Variants in GABBR2 observed in about 807,000 individuals in gnomAD.
GABBR2 encodes the protein G-protein coupled receptor 51.
In GABBR2, 23 loss-of-function variants were observed where a neutral mutation model predicts 105.6. The ratio of observed to expected loss-of-function variants is 0.22; its 90% CI spans 0.16 to 0.31. The LOEUF is 0.31. GABBR2 is among the 10% of genes least tolerant of loss of function. GABBR2 has a pLI of 1.00. For missense variants in GABBR2, 734 were observed against 1,245.5 expected, an observed-to-expected ratio of 0.59 and a Z score of 6.18; for synonymous variants, 478 against 499.7, an observed-to-expected ratio of 0.96 and a Z score of 0.58.
chr9:98,293,982 G>A, intron 17 of GABBR2, 80 bp from the exon 18 acceptor site: 1 of 840,718 alleles, frequency 1.2e-6, no homozygotes, highest in Non-Finnish European at 2.1e-6. Flanking sequence ...TTTGTAGGAT[G>A]ATGCCCCAAG....
rs561519880 is a variant in GABBR2, at chr9:98,704,185, T to A, written c.321+4232A>T. Among the ~76,000 whole-genome samples the A allele has an allele frequency of 3.3e-3, 508 of 152,304 alleles. 2 individuals are homozygous for A. The highest frequency in any genetic ancestry group is 0.012 in the African/African-American group (483 of 41,566). On this transcript the variant is annotated intron_variant, in intron 1 of 18. Coordinates refer to ENST00000259455, the MANE Select transcript of GABBR2 (RefSeq NM_005458.8). ...CTGCTGAGCTGTACTCAGACCTTTT[T>A]AGGAAGCACAGCCTCAATTCAACAG...
intron 13 of GABBR2, among the ~76,000 whole-genome samples, chr9:98,341,871 C>T (rs1162651072): frequency 1.3e-5 from 2 of 152,142 alleles, no homozygotes; most frequent in African/African-American, 4.8e-5. Context: ...GACATTTCTT[C>T]GAGAAGCCGG....
chr9:98,685,696 C>T lies in GABBR2; in HGVS notation c.321+22721G>A, dbSNP rs148199691. On this transcript the variant is annotated intron_variant, in intron 1 of 18. Coordinates refer to ENST00000259455, the MANE Select transcript of GABBR2 (RefSeq NM_005458.8). ...GATTAAACTATAGTTTTTGATTTTA[C>T]TTATTTTATTTTTAAAGACAGGATC... 6.5e-3 allele frequency among the ~76,000 whole-genome samples: 993 copies of T among 152,226 alleles called. 3 individuals are homozygous for T. Among genetic ancestry groups the T allele is most frequent in the Non-Finnish European group, 9.4e-3 (640 of 68,008 alleles).
At chr9:98,664,132 G>A (rs1016081485) in intron 1 of GABBR2, among the ~76,000 whole-genome samples, 1 of 152,178 alleles carries the variant, frequency 6.6e-6, no homozygotes, top group Non-Finnish European at 1.5e-5. Context: ...CTTGTCTATA[G>A]AGTAAGAGCC....
At chr9:98,620,302 C>T (rs1004008454) in intron 1 of GABBR2, among the ~76,000 whole-genome samples, 2 of 150,854 alleles carry the variant, frequency 1.3e-5, no homozygotes, top group Non-Finnish European at 2.9e-5. Context: ...TTGTGTGTAG[C>T]TTGCAAAGAT....
chr9:98,377,442 G>A (rs1831895792), intron 11 of GABBR2, among the ~76,000 whole-genome samples: 1 of 152,184 alleles, frequency 6.6e-6, no homozygotes. Flanking sequence ...CTTATTTTAA[G>A]TCTTCCCTGA....
chr9:98,565,403 C>T (rs547070423), intron 2 of GABBR2, among the ~76,000 whole-genome samples: 11 of 152,242 alleles, frequency 7.2e-5, no homozygotes, highest in East Asian at 5.8e-4. Flanking sequence ...CCAAGAGGGA[C>T]GATGCCAGGC....
chr9:98,627,201 A>G (rs997878308), intron 1 of GABBR2, among the ~76,000 whole-genome samples: 7 of 151,784 alleles, frequency 4.6e-5, no homozygotes, highest in African/African-American at 1.7e-4. Flanking sequence ...CTCACAGCCC[A>G]CCCGGACTCT....
chr9:98,517,017 G>A (rs1827769590), intron 3 of GABBR2, among the ~76,000 whole-genome samples: 1 of 152,176 alleles, frequency 6.6e-6, no homozygotes, highest in Admixed American at 6.5e-5. Flanking sequence ...AGTCTGAGTG[G>A]CCCTTTAGCT....
At chr9:98,357,944 C>T (rs139706031) in intron 13 of GABBR2, among the ~76,000 whole-genome samples, 71 of 152,262 alleles carry the variant, frequency 4.7e-4, no homozygotes, top group African/African-American at 1.7e-3. Context: ...GAACTTGAAG[C>T]GTGTGAAAGC....
intron 1 of GABBR2, among the ~76,000 whole-genome samples, chr9:98,672,778 A>G (rs781241387): frequency 6.6e-5 from 10 of 152,232 alleles, no homozygotes; most frequent in Non-Finnish European, 1.0e-4. Flanking sequence ...AGTCTGTCCA[A>G]AGCTTTTAAT....
At chr9:98,430,407 G>A (rs1825785959) in intron 7 of GABBR2, among the ~76,000 whole-genome samples, 1 of 151,956 alleles carries the variant, frequency 6.6e-6, no homozygotes, top group African/African-American at 2.4e-5. Flanking sequence ...TTTTTTAGGT[G>A]GGACCAGAGC....
intron 1 of GABBR2, among the ~76,000 whole-genome samples, chr9:98,630,143 A>T (rs1829797569): frequency 1.3e-5 from 2 of 152,128 alleles, no homozygotes; most frequent in Non-Finnish European, 1.5e-5. Flanking sequence ...CTCTTCTATT[A>T]CTGACAGCCA....
At position 98,496,395 on chromosome 9, in the gene GABBR2, G is replaced by A; in HGVS notation, c.732+18C>T. 6.7e-7 allele frequency: 1 copy of A among 1,501,688 alleles called. No homozygotes were observed. Among genetic ancestry groups the A allele is most frequent in the Non-Finnish European group, 9.3e-7 (1 of 1,077,660 alleles). The allele number at this position is 1,501,688 out of a possible 1,614,324, so 93.0% of individuals were successfully genotyped here. A position where few individuals can be genotyped will look rare whatever the true frequency, so the allele number is the denominator to read the frequency against. On this transcript the variant is annotated intron_variant, in intron 4 of 18. Transcript: ENST00000259455. The stretch of plus-strand genomic sequence containing the variant: ...TTGAGATCAGTCTGCCATTCACCCT[G>A]TGGCTAGCCACACCTACCTTCAGCT...
At chr9:98,538,335 G>C (rs1204443201) in intron 3 of GABBR2, among the ~76,000 whole-genome samples, 1 of 152,164 alleles carries the variant, frequency 6.6e-6, no homozygotes, top group Non-Finnish European at 1.5e-5. Flanking sequence ...TCATCCAGAG[G>C]GGGCATGGCA....
chr9:98,431,115 C>G (rs12348935), intron 7 of GABBR2, among the ~76,000 whole-genome samples: 7,183 of 151,932 alleles, frequency 0.047, 300 homozygotes, highest in East Asian at 0.19. Flanking sequence ...GCTTGCACAA[C>G]TCATTCCCTC....
intron 15 of GABBR2, among the ~76,000 whole-genome samples, chr9:98,305,808 GAA>G (rs773132850): frequency 5.1e-5 from 7 of 136,826 alleles, no homozygotes; most frequent in African/African-American, 1.6e-4. Context: ...CAGAGTGAGG[GAA>G]AAAAAAAAAA....
At chr9:98,485,816 T>C (rs527425439) in intron 4 of GABBR2, among the ~76,000 whole-genome samples, 1 of 152,144 alleles carries the variant, frequency 6.6e-6, no homozygotes, top group South Asian at 2.1e-4. Flanking sequence ...GCAGTGAGGG[T>C]GGGCTGCTGA....
At chr9:98,329,266 C>T (rs1014527596) in intron 13 of GABBR2, among the ~76,000 whole-genome samples, 3 of 152,220 alleles carry the variant, frequency 2.0e-5, no homozygotes, top group African/African-American at 4.8e-5. Flanking sequence ...CCTTAGTCAC[C>T]TATCTGACTC....
Sources: allele counts gnomAD v4.1 joint callset (sites outside exome capture counted in the v4.1 genomes callset), GRCh38; gene constraint gnomAD v4.1.1; transcripts MANE v1.5; gene names NCBI Gene and HGNC (gene_info 2026-07-23, HGNC 2026-07-21).